The following CDC34 variants were observed in gnomAD, a reference collection of about 807,000 sequenced individuals.
The protein encoded by CDC34 is ubiquitin-conjugating enzyme E2 R1.
CDC34 carries 18 observed loss-of-function variants against 26.8 expected under a neutral mutation model. The ratio of observed to expected loss-of-function variants is 0.67; its 90% CI spans 0.47 to 1.00. CDC34 has a LOEUF of 1.00. CDC34 is among the 50% of genes least tolerant of loss of function. CDC34 has a pLI of 0.00. For synonymous variants in CDC34, 178 were observed against 147.5 expected (o/e 1.21, Z -1.50); for missense variants, 280 against 334.5 (o/e 0.84, Z 1.27).
At position 541,689 on chromosome 19, in the gene CDC34, C is replaced by G. The variant is rs570112334; in HGVS notation, c.*137C>G. On this transcript the variant is annotated 3_prime_UTR_variant, in exon 5 of 5. Transcript: ENST00000215574. The stretch of plus-strand genomic sequence containing the variant: ...TTTCGTTTTGGCTTTTTCTCCCTCC[C>G]CATGTCTGTTCTGGGTTTTCACGTG... 4.2e-6 allele frequency: 4 copies of G among 945,938 alleles called. No individual in the cohort carries two copies. Among genetic ancestry groups the G allele is most frequent in the African/African-American group, 1.7e-5 (1 of 60,368 alleles). 58.6% of individuals were successfully genotyped at this position (945,938 alleles called of 1,614,324 possible). A position where few individuals can be genotyped will look rare whatever the true frequency, so the allele number is the denominator to read the frequency against.
rs1289365107 is a variant in CDC34 at position 541,480 on chromosome 19, C to T, written c.639C>T (p.Asp213=). ...SDLFYDDYYE[D]GEVEEEADSC... The stretch of plus-strand genomic sequence containing the variant: ...TCTTCTACGACGACTACTACGAGGA[C>T]GGCGAGGTGGAGGAGGAGGCCGACA... The change falls in exon 5 of 5, where the codon GAC becomes GAT. Residue 213 remains aspartate (D), a synonymous_variant. Transcript: ENST00000215574. 1.5e-5 allele frequency: 24 copies of T among 1,611,892 alleles called. No homozygotes were observed. The highest frequency in any genetic ancestry group is 3.3e-5 in the Admixed American group (2 of 59,902).
chr19:532,314 C>A (rs1352633138), intron 1 of CDC34, among the ~76,000 whole-genome samples: 1 of 152,236 alleles, frequency 6.6e-6, no homozygotes, highest in Non-Finnish European at 1.5e-5. Flanking sequence ...CCTTCAGCCT[C>A]TGCTGCAGTC....
In CDC34 at chr19:532,032, A is replaced by G; in HGVS notation, c.101A>G (p.Asp34Gly). 1 of 1,519,072 alleles carries G rather than the reference A, an allele frequency of 6.6e-7. No homozygotes were observed. Among genetic ancestry groups the G allele is most frequent in the Non-Finnish European group, 8.8e-7 (1 of 1,142,694 alleles). 94.1% of individuals were successfully genotyped at this position (1,519,072 alleles called of 1,614,324 possible). ...GAGGGATTCCGCGTGACACTGGTGG[A>G]CGAGGGCGATCTATACAACTGGGAG... The part of the protein sequence containing the change: ...PVEGFRVTLV[D>G]EGDLYNWEVA... The change falls in exon 1 of 5, where the codon GAC (aspartate) becomes GGC (glycine). Residue 34 changes from aspartate (D) to glycine (G), a missense_variant. Transcript: ENST00000215574.
At chr19:540,078 G>C (rs1979944724) in intron 4 of CDC34, among the ~76,000 whole-genome samples, 2 of 117,470 alleles carry the variant, frequency 1.7e-5, no homozygotes. Flanking sequence ...GGGGTGGCCA[G>C]GCCCCCCAGG....
At chr19:537,260 C>T (rs1979799600) in intron 4 of CDC34, 113 bp downstream of exon 4, 1 of 1,257,730 alleles carries the variant, frequency 8.0e-7, no homozygotes, top group Non-Finnish European at 1.1e-6. Context: ...GCGGAGCTTC[C>T]TGGTGCCCAT....
At chr19:538,210 G>A (rs1336882793) in intron 4 of CDC34, among the ~76,000 whole-genome samples, 1 of 152,260 alleles carries the variant, frequency 6.6e-6, no homozygotes, top group Admixed American at 6.5e-5. Flanking sequence ...AGTCAGGGGT[G>A]TTGGCCTTAC....
At chr19:540,017 G>C (rs1165156627) in intron 4 of CDC34, among the ~76,000 whole-genome samples, 1 of 143,704 alleles carries the variant, frequency 7.0e-6, no homozygotes, top group Non-Finnish European at 1.5e-5. Flanking sequence ...CCCAGGTTTA[G>C]AATCCGGAGG....
chr19:535,657 G>A (rs17841746), intron 1 of CDC34, among the ~76,000 whole-genome samples, 180 bp from the exon 2 acceptor site: 1,868 of 152,334 alleles, frequency 0.012, 41 homozygotes, highest in African/African-American at 0.042. Flanking sequence ...AAGGCTTCAG[G>A]CAGCCTTCTG....
rs986506089 is a variant in CDC34, at chr19:541,592, C to A, written c.*40C>A. The A allele has an allele frequency of 3.3e-6, 5 of 1,522,552 alleles. No homozygotes were observed. Among genetic ancestry groups the A allele is most frequent in the African/African-American group, 1.4e-5 (1 of 72,338 alleles). The allele number at this position is 1,522,552 out of a possible 1,614,324, so 94.3% of individuals were successfully genotyped here. ...ACTTGCCGAGTTTACCTCACTAGGG[C>A]CGGACCCGTGGCTCCTTAGACGACA... is the stretch of plus-strand genomic sequence containing the variant. On this transcript the variant is annotated 3_prime_UTR_variant, in exon 5 of 5. Transcript: ENST00000215574.
rs748664768 is a variant in CDC34, at chr19:537,165, C to T, written c.497+18C>T. On this transcript the variant is annotated intron_variant, in intron 4 of 4. Coordinates refer to ENST00000215574, the MANE Select transcript of CDC34 (RefSeq NM_004359.2). ...ATCATCCGGTGAGGGCGGGCGGGGG[C>T]GTCACGGGAGGAGAGACTCAGATCC... 30 of 1,611,286 alleles carry T rather than the reference C, an allele frequency of 1.9e-5. No homozygotes were observed. The highest frequency in any genetic ancestry group is 8.0e-5 in the African/African-American group (6 of 74,902).
At chr19:535,788 A>T in intron 1 of CDC34, 49 bp from the exon 2 acceptor site, 1 of 1,425,596 alleles carries the variant, frequency 7.0e-7, no homozygotes, top group Non-Finnish European at 9.9e-7. Context: ...GAGCTGGGGC[A>T]GGTCTTGGGG....
In CDC34 at chr19:541,402, G is replaced by A. The variant is rs773044564; in HGVS notation, c.561G>A (p.Leu187=). 3 of 1,611,732 alleles carry A rather than the reference G, an allele frequency of 1.9e-6. No individual in the cohort carries two copies. Among genetic ancestry groups the A allele is most frequent in the East Asian group, 4.5e-5 (2 of 44,834 alleles). ...ACGGCGTGAAGGTGCCCACCACGCTGGCCGAGTACTGCGTGAAGACCAAGG... is the reference window on the plus strand; with the variant it reads ...ACGGCGTGAAGGTGCCCACCACGCTAGCCGAGTACTGCGTGAAGACCAAGG... The part of the protein sequence containing the change: ...ERDGVKVPTT[L]AEYCVKTKAP... The change falls in exon 5 of 5, where the codon CTG becomes CTA. Residue 187 remains leucine, a synonymous_variant. Coordinates refer to ENST00000215574, the MANE Select transcript of CDC34 (RefSeq NM_004359.2).
rs1301740181 is a variant in CDC34, at chr19:541,313, C to T, written c.498-26C>T. ...GGGCCGAGTCCAGGCACGTGGGTGG[C>T]GCCCTCACCCACCCTGTCCCCCCAG... On this transcript the variant is annotated intron_variant, in intron 4 of 4. Transcript: ENST00000215574. 30 of 1,513,708 alleles carry T rather than the reference C, an allele frequency of 2.0e-5. No homozygotes were observed. The East Asian group carries it at 2.5e-4, about 12-fold the overall frequency. The allele number at this position is 1,513,708 out of a possible 1,614,324, so 93.8% of individuals were successfully genotyped here.
At chr19:532,186 G>A (rs1979520108) in intron 1 of CDC34, 78 bp downstream of exon 1, 1 of 1,228,386 alleles carries the variant, frequency 8.1e-7, no homozygotes. Flanking sequence ...CCTGCCCCGC[G>A]GTCCTAGCGC....
In CDC34 at chr19:541,675, C is replaced by A; in HGVS notation, c.*123C>A. The A allele has an allele frequency of 8.8e-7, 1 of 1,138,214 alleles. No individual in the cohort carries two copies. Among genetic ancestry groups the A allele is most frequent in the Non-Finnish European group, 1.2e-6 (1 of 830,040 alleles). 70.5% of individuals were successfully genotyped at this position (1,138,214 alleles called of 1,614,324 possible). A position where few individuals can be genotyped will look rare whatever the true frequency, so the allele number is the denominator to read the frequency against. On this transcript the variant is annotated 3_prime_UTR_variant, in exon 5 of 5. Transcript: ENST00000215574. ...GTCTCCTCTGGTTGTTTCGTTTTGG[C>A]TTTTTCTCCCTCCCCATGTCTGTTC... is the stretch of plus-strand genomic sequence containing the variant.
intron 4 of CDC34, among the ~76,000 whole-genome samples, chr19:540,678 G>A (rs12985264): frequency 5.8e-4 from 22 of 37,754 alleles, no homozygotes; most frequent in South Asian, 4.2e-3. Context: ...GGAGGCCGGG[G>A]TGGCCAGGCC....
Position 532,072 on chromosome 19 carries a change from G to C in CDC34, c.141G>C (p.Gly47=). Reference sequence around the variant, plus strand: ...ACAACTGGGAGGTGGCCATCTTCGGGCCCCCCAACACCTACTACGAGGGCG... The same window carrying C: ...ACAACTGGGAGGTGGCCATCTTCGGCCCCCCCAACACCTACTACGAGGGCG... ...DLYNWEVAIF[G]PPNTYYEGGY... The change falls in exon 1 of 5, where the codon GGG becomes GGC. Residue 47 remains glycine, a synonymous_variant. Coordinates refer to ENST00000215574, the MANE Select transcript of CDC34 (RefSeq NM_004359.2). 1 of 1,521,596 alleles carries C rather than the reference G, an allele frequency of 6.6e-7. No homozygotes were observed. The highest frequency in any genetic ancestry group is 2.7e-5 in the East Asian group (1 of 36,450). 94.3% of individuals were successfully genotyped at this position (1,521,596 alleles called of 1,614,324 possible).
intron 4 of CDC34, among the ~76,000 whole-genome samples, chr19:540,804 C>A (rs1313711): frequency 0.079 from 845 of 10,686 alleles, 171 homozygotes; most frequent in South Asian, 0.21. Flanking sequence ...CCAGGCCCCC[C>A]GGTTTAGAAT....
rs765978907 is a variant in CDC34, at chr19:541,791, C to A, written c.*239C>A. 14 of 361,960 alleles carry A rather than the reference C, an allele frequency of 3.9e-5. No individual in the cohort carries two copies. Among genetic ancestry groups the A allele is most frequent in the Non-Finnish European group, 6.9e-5 (14 of 202,598 alleles). The allele number at this position is 361,960 out of a possible 1,614,324, so 22.4% of individuals were successfully genotyped here. On this transcript the variant is annotated 3_prime_UTR_variant, in exon 5 of 5. Coordinates refer to ENST00000215574, the MANE Select transcript of CDC34 (RefSeq NM_004359.2). The stretch of plus-strand genomic sequence containing the variant: ...TGGACGGGCCCAGGGTGGGAGCGGC[C>A]GGCCCACCTGTCCCCTCGGGAGGGG...
Sources: gnomAD v4.1 joint callset for allele counts (sites outside exome capture counted in the v4.1 genomes callset) on GRCh38, gnomAD v4.1.1 for gene constraint, MANE v1.5 for transcripts, NCBI Gene and HGNC (gene_info 2026-07-23, HGNC 2026-07-21) for gene names.